The following TESK2 variants were observed in gnomAD, a reference collection of about 807,000 sequenced individuals.
TESK2 encodes the protein dual specificity testis-specific protein kinase 2.
Under a neutral mutation model 57.1 loss-of-function variants are expected in TESK2, and 39 were observed. The ratio of observed to expected loss-of-function variants is 0.68; its 90% CI spans 0.53 to 0.89. The LOEUF (loss-of-function observed/expected upper bound fraction) is 0.89. Ranked by LOEUF, TESK2 falls within the 40% of genes least tolerant of loss-of-function variation. The probability of loss-of-function intolerance (pLI) is 0.00; values close to 1 mark genes in which losing one functional copy is unlikely to be tolerated. For missense variants in TESK2, 646 were observed against 732.1 expected (o/e 0.88, Z 1.36); for synonymous variants, 249 against 267.9 (o/e 0.93, Z 0.69).
At position 45,375,657 on chromosome 1, in the gene TESK2, A is replaced by G. The variant is rs367891195; in HGVS notation, c.393+10255T>C. Among the ~76,000 whole-genome samples, 4 of 152,100 alleles carry G rather than the reference A, an allele frequency of 2.6e-5. No individual in the cohort carries two copies. In the South Asian group the frequency reaches 6.2e-4, roughly 24 times the overall value. The stretch of plus-strand genomic sequence containing the variant: ...TCATGCCTGTAGTCCCAGTGCTTTG[A>G]GAGGCCAAGGTGGGAGGATCACTTG... On this transcript the variant is annotated intron_variant, in intron 4 of 10. Transcript: ENST00000372086.
rs769502866 is a variant in TESK2, at chr1:45,347,332, G to A, written c.709-270C>T. ...TGTAATCCCAGCACTTCAAGAGGCC[G>A]AGGTGGGCAGATCACTTCAGGTCAG... On this transcript the variant is annotated intron_variant, in intron 7 of 10. Transcript: ENST00000372086. Among the ~76,000 whole-genome samples, 47 of 152,242 alleles carry A rather than the reference G, an allele frequency of 3.1e-4. No individual in the cohort carries two copies. In the Middle Eastern group the frequency reaches 0.01, roughly 33 times the overall value.
intron 2 of TESK2, among the ~76,000 whole-genome samples, chr1:45,448,083 CA>C (rs1195111466): frequency 1.5e-5 from 2 of 134,636 alleles, no homozygotes; most frequent in Non-Finnish European, 3.2e-5. Flanking sequence ...AAAAAAAATA[CA>C]AAAATTAGCC....
chr1:45,434,022 T>C (rs1651086024), intron 2 of TESK2, among the ~76,000 whole-genome samples: 1 of 152,152 alleles, frequency 6.6e-6, no homozygotes, highest in African/African-American at 2.4e-5. Flanking sequence ...TGAGATGGGA[T>C]CTCACTCTGT....
chr1:45,448,210 C>T (rs1408419256), intron 2 of TESK2, among the ~76,000 whole-genome samples: 1 of 141,176 alleles, frequency 7.1e-6, no homozygotes, highest in Non-Finnish European at 1.5e-5. Flanking sequence ...CGCACTCCAG[C>T]CTGGGAGACA....
chr1:45,421,036 T>C (rs775512876), intron 3 of TESK2, among the ~76,000 whole-genome samples: 2 of 152,096 alleles, frequency 1.3e-5, no homozygotes, highest in African/African-American at 2.4e-5. Flanking sequence ...GGAGGGTGAA[T>C]TGCTTGAGCC....
intron 3 of TESK2, among the ~76,000 whole-genome samples, chr1:45,404,577 T>C (rs977228996): frequency 3.3e-5 from 5 of 151,394 alleles, no homozygotes; most frequent in Non-Finnish European, 7.4e-5. Context: ...GTAGTCTCAC[T>C]TGATCACCCA....
chr1:45,416,634 TA>T (rs1267751634), intron 3 of TESK2, among the ~76,000 whole-genome samples: 1 of 152,158 alleles, frequency 6.6e-6, no homozygotes, highest in African/African-American at 2.4e-5. Context: ...AAATATACAT[TA>T]TTATTAACTA....
intron 2 of TESK2, among the ~76,000 whole-genome samples, chr1:45,442,012 C>A (rs1017249794): frequency 6.6e-6 from 1 of 152,152 alleles, no homozygotes; most frequent in South Asian, 2.1e-4. Context: ...TCTCGGCTCA[C>A]CGCAACCTCC....
chr1:45,391,378 G>A (rs550922254), intron 3 of TESK2, among the ~76,000 whole-genome samples: 147 of 151,882 alleles, frequency 9.7e-4, no homozygotes, highest in African/African-American at 3.2e-3. Context: ...TCACCACAGC[G>A]AGCAAATTTT....
intron 2 of TESK2, among the ~76,000 whole-genome samples, chr1:45,437,905 T>C (rs1263901428): frequency 6.6e-6 from 1 of 152,216 alleles, no homozygotes; most frequent in East Asian, 1.9e-4. Flanking sequence ...GTGTTGCTCA[T>C]AGATGTTGGG....
At position 45,396,136 on chromosome 1, in the gene TESK2, G is replaced by C. The variant is rs1309324638; in HGVS notation, c.345-10176C>G. On this transcript the variant is annotated intron_variant, in intron 3 of 10. Transcript: ENST00000372086. ...TTTTATTTATTTTTATTTTGAGACT[G>C]GGTCTTGCTCTGTCACCCAGGCTAG... is the stretch of plus-strand genomic sequence containing the variant. Among the ~76,000 whole-genome samples, 4 of 151,224 alleles carry C rather than the reference G, an allele frequency of 2.6e-5. No individual in the cohort carries two copies. The East Asian group carries it at 7.8e-4, about 30-fold the overall frequency.
chr1:45,350,979 T>C (rs961829282), intron 5 of TESK2, among the ~76,000 whole-genome samples: 1 of 152,252 alleles, frequency 6.6e-6, no homozygotes, highest in Non-Finnish European at 1.5e-5. Context: ...TTGTGTGGCA[T>C]AGCCTAAGAC....
chr1:45,454,363 G>A (rs1651989250), intron 2 of TESK2, among the ~76,000 whole-genome samples: 1 of 151,974 alleles, frequency 6.6e-6, no homozygotes, highest in Non-Finnish European at 1.5e-5. Context: ...TAACAGTTGT[G>A]TTAAGTATGT....
intron 4 of TESK2, among the ~76,000 whole-genome samples, chr1:45,378,733 A>T (rs1449275120): frequency 2.0e-5 from 3 of 152,220 alleles, no homozygotes; most frequent in African/African-American, 7.2e-5. Context: ...ATGGGAGCAG[A>T]TGTCTTTTTA....
At chr1:45,390,635 G>A (rs1649096428) in intron 3 of TESK2, among the ~76,000 whole-genome samples, 2 of 151,206 alleles carry the variant, frequency 1.3e-5, no homozygotes, top group Non-Finnish European at 2.9e-5. Context: ...GAGTGCAGTG[G>A]TGTGATCACT....
At chr1:45,486,244 C>A (rs931354818) in intron 1 of TESK2, among the ~76,000 whole-genome samples, 4 of 152,154 alleles carry the variant, frequency 2.6e-5, no homozygotes, top group Non-Finnish European at 5.9e-5. Flanking sequence ...GCTTCATCTA[C>A]TAGAAGGAGA....
intron 3 of TESK2, among the ~76,000 whole-genome samples, chr1:45,404,592 G>T (rs1649758146): frequency 6.6e-6 from 1 of 150,678 alleles, no homozygotes; most frequent in Non-Finnish European, 1.5e-5. Flanking sequence ...CACCCAGGCT[G>T]GATTGCAGTG....
At chr1:45,385,377 T>C (rs1211505325) in intron 4 of TESK2, 33 of 983,472 alleles carry the variant, frequency 3.4e-5, no homozygotes, top group Non-Finnish European at 4.0e-5. Context: ...AGGCTGGAAA[T>C]GAAACGAGAA....
rs1032421456 is a variant in TESK2, at chr1:45,487,936, C to CT, written c.-87+2915dup. 3.3e-3 allele frequency among the ~76,000 whole-genome samples: 469 copies of CT among 143,582 alleles called. 4 individuals are homozygous for CT. The highest frequency in any genetic ancestry group is 0.019 in the East Asian group (94 of 4,974). The allele number at this position is 143,582 out of a possible 152,430, so 94.2% of individuals were successfully genotyped here. A position where few individuals can be genotyped will look rare whatever the true frequency, so the allele number is the denominator to read the frequency against. On this transcript the variant is annotated intron_variant, in intron 1 of 10. Transcript: ENST00000372086. The stretch of plus-strand genomic sequence containing the variant: ...CTTTTAGCTCCTGAGTTTTTTTTTG[C>CT]TTTTTTTTTTTTCTTTCCCCCAGGC...
Sources: gnomAD v4.1 joint callset for allele counts (sites outside exome capture counted in the v4.1 genomes callset) on GRCh38, gnomAD v4.1.1 for gene constraint, MANE v1.5 for transcripts, NCBI Gene and HGNC (gene_info 2026-07-23, HGNC 2026-07-21) for gene names.